Variants in MUC5AC observed in about 807,000 individuals in gnomAD.
MUC5AC encodes mucin-5AC.
Under a neutral mutation model 169.7 loss-of-function variants are expected in MUC5AC, and 158 were observed. That is an observed-to-expected ratio of 0.93 (90% CI 0.82 to 1.06). The LOEUF is 1.06. Ranked by LOEUF, MUC5AC falls within the 50% of genes least tolerant of loss-of-function variation. The probability of loss-of-function intolerance (pLI) is 0.00; values close to 1 mark genes in which losing one functional copy is unlikely to be tolerated. For synonymous variants in MUC5AC, 1,975 were observed against 1,237.0 expected, an observed-to-expected ratio of 1.60 and a Z score of -12.52; for missense variants, 4,359 against 3,089.9, an observed-to-expected ratio of 1.41 and a Z score of -9.74.
At chr11:1,173,030 CCATTCACTCACT>C (rs1860585379) in intron 16 of MUC5AC, among the ~76,000 whole-genome samples, 1 of 148,172 alleles carries the variant, frequency 6.7e-6, no homozygotes, top group Non-Finnish European at 1.5e-5. Flanking sequence ...CCCCACTCAC[CCATTCACTCACT>C]CATTCACTAA....
Position 1,186,359 on chromosome 11 carries a change from CA to C in MUC5AC, c.8215del (p.Ser2739AlafsTer63). The C allele has an allele frequency of 1.4e-6, 1 of 716,356 alleles. No homozygotes were observed. Among genetic ancestry groups the C allele is most frequent in the Non-Finnish European group, 2.5e-6 (1 of 392,982 alleles). 44.4% of individuals were successfully genotyped at this position (716,356 alleles called of 1,614,324 possible). A position where few individuals can be genotyped will look rare whatever the true frequency, so the allele number is the denominator to read the frequency against. The stretch of plus-strand genomic sequence containing the variant: ...CCAGCACAACCTCTGCCACTACAAC[CA>C]GCACGACCTCTGCTCCTACACCCAG... ...TTSTTSATTTSTTSAPTPRRT... is the reference protein window; with the variant it reads ...TTSTTSATTTXTTSAPTPRRT... On this transcript the variant is annotated frameshift_variant, in exon 31 of 49. Coordinates refer to ENST00000621226, the MANE Select transcript of MUC5AC (RefSeq NM_001304359.2). LOFTEE classifies it high-confidence loss of function.
intron 11 of MUC5AC, among the ~76,000 whole-genome samples, chr11:1,167,284 G>A (rs777315382): frequency 1.4e-5 from 2 of 145,488 alleles, no homozygotes; most frequent in Non-Finnish European, 3.0e-5. Context: ...ACCCAACACA[G>A]TCTCCCCAAG....
intron 28 of MUC5AC, among the ~76,000 whole-genome samples, chr11:1,180,832 C>A (rs906649196): frequency 0.017 from 2,636 of 152,182 alleles, 38 homozygotes; most frequent in Non-Finnish European, 0.022. Context: ...GCCCTAGGGT[C>A]CCCACCGGAA....
In MUC5AC at chr11:1,187,965, G is replaced by C; in HGVS notation, c.9820G>C (p.Glu3274Gln). The change falls in exon 31 of 49, where the codon GAG becomes CAG. Residue 3274 changes from glutamate to glutamine, a missense_variant. Glu to Gln is a conservative substitution (Grantham distance 29). Coordinates refer to ENST00000621226, the MANE Select transcript of MUC5AC (RefSeq NM_001304359.2). Reference protein sequence around the residue: ...EEITRLQCRAESHPEVSIEHL... With the variant: ...EEITRLQCRAQSHPEVSIEHL... The stretch of plus-strand genomic sequence containing the variant: ...GATCACCAGGCTCCAGTGCCGAGCC[G>C]AGAGCCACCCGGAGGTGAGCATTGA... The C allele has an allele frequency of 1.3e-6, 1 of 747,202 alleles. No individual in the cohort carries two copies. The highest frequency in any genetic ancestry group is 2.5e-6 in the Non-Finnish European group (1 of 406,480). The allele number at this position is 747,202 out of a possible 1,614,324, so 46.3% of individuals were successfully genotyped here.
rs55979045 is a variant in MUC5AC, at chr11:1,200,975, C to G, written c.*273C>G. 2.9e-6 allele frequency: 1 copy of G among 346,508 alleles called. No homozygotes were observed. Among genetic ancestry groups the G allele is most frequent in the Non-Finnish European group, 5.2e-6 (1 of 190,814 alleles). The allele number at this position is 346,508 out of a possible 1,614,324, so 21.5% of individuals were successfully genotyped here. On this transcript the variant is annotated 3_prime_UTR_variant, in exon 49 of 49. Transcript: ENST00000621226. ...TGCATCCAGCCTGCTGTTCTGGGGA[C>G]GTGAGCATCACCTGAGGGTCTCAGG...
intron 33 of MUC5AC, 62 bp downstream of exon 33, chr11:1,193,721 A>G: frequency 1.3e-6 from 1 of 747,048 alleles, no homozygotes. Context: ...CCCAGGTGGA[A>G]ATGGGCGGGG....
rs2133762930 is a variant in MUC5AC at position 1,188,872 on chromosome 11, A to G, written c.10727A>G (p.Glu3576Gly). Residue 3576 changes from glutamate (E) to glycine (G), a missense_variant, in exon 31 of 49, where the codon GAG becomes GGG. By Grantham distance (98) the Glu-to-Gly change is moderately conservative (BLOSUM62 -2). Coordinates refer to ENST00000621226, the MANE Select transcript of MUC5AC (RefSeq NM_001304359.2). ...RLQCRAKSHP[E>G]VSIEHLGQVV... is the part of the protein sequence containing the mutation. The stretch of plus-strand genomic sequence containing the variant: ...CAGTGCCGAGCCAAGAGCCACCCGG[A>G]GGTGAGCATCGAACACCTGGGCCAG... 2.6e-6 allele frequency: 2 copies of G among 763,704 alleles called. No homozygotes were observed. Among genetic ancestry groups the G allele is most frequent in the Admixed American group, 3.4e-5 (2 of 58,964 alleles). 47.3% of individuals were successfully genotyped at this position (763,704 alleles called of 1,614,324 possible).
intron 1 of MUC5AC, 48 bp downstream of exon 1, chr11:1,158,120 C>T (rs1366951417): frequency 6.7e-7 from 1 of 1,499,980 alleles, no homozygotes; most frequent in East Asian, 2.4e-5. Context: ...TGGTGCGGTA[C>T]TGAGTGGGCC....
chr11:1,175,221 C>T lies in MUC5AC; in HGVS notation c.2352C>T (p.Thr784=), dbSNP rs902708181. ...ESVHDSGAIC[T]CTHGKLSCIG... ...TCTGACCACCATCTCCTCACAGCAC[C>T]TGCACACATGGGAAGCTGAGCTGCA... The change falls in exon 19 of 49, where the codon ACC becomes ACT. Residue 784 remains threonine (T), a synonymous_variant. Transcript: ENST00000621226. 2.5e-6 allele frequency: 1 copy of T among 398,668 alleles called. No individual in the cohort carries two copies. Among genetic ancestry groups the T allele is most frequent in the South Asian group, 1.3e-4 (1 of 7,884 alleles). The allele number at this position is 398,668 out of a possible 1,614,324, so 24.7% of individuals were successfully genotyped here. A position where few individuals can be genotyped will look rare whatever the true frequency, so the allele number is the denominator to read the frequency against.
At chr11:1,165,502 C>T in intron 10 of MUC5AC, 83 bp downstream of exon 10, 4 of 1,577,748 alleles carry the variant, frequency 2.5e-6, no homozygotes, top group Middle Eastern at 1.9e-4. Context: ...CCGGCAGGCT[C>T]CCTCGTCTGG....
In MUC5AC at chr11:1,187,954, A is replaced by G; in HGVS notation, c.9809A>G (p.Gln3270Arg). The G allele has an allele frequency of 1.3e-6, 1 of 755,448 alleles. No homozygotes were observed. The highest frequency in any genetic ancestry group is 1.4e-5 in the South Asian group (1 of 73,584). 46.8% of individuals were successfully genotyped at this position (755,448 alleles called of 1,614,324 possible). A position where few individuals can be genotyped will look rare whatever the true frequency, so the allele number is the denominator to read the frequency against. ...CGACCTGAGGAGATCACCAGGCTCC[A>G]GTGCCGAGCCGAGAGCCACCCGGAG... ...CRRPEEITRL[Q>R]CRAESHPEVS... The change falls in exon 31 of 49, where the codon CAG becomes CGG. Residue 3270 changes from glutamine (Q) to arginine (R), a missense_variant. Physicochemically the swap from Gln to Arg is conservative, Grantham distance 43 (BLOSUM62 1). Coordinates refer to ENST00000621226, the MANE Select transcript of MUC5AC (RefSeq NM_001304359.2).
In MUC5AC at chr11:1,197,918, G is replaced by T; in HGVS notation, c.16049G>T (p.Arg5350Leu). The T allele has an allele frequency of 1.4e-6, 1 of 727,884 alleles. No individual in the cohort carries two copies. Among genetic ancestry groups the T allele is most frequent in the Non-Finnish European group, 2.5e-6 (1 of 400,816 alleles). 45.1% of individuals were successfully genotyped at this position (727,884 alleles called of 1,614,324 possible). The change falls in exon 42 of 49, where the codon CGC becomes CTC. Residue 5350 changes from arginine to leucine, a missense_variant. Physicochemically the swap from Arg to Leu is moderately radical, Grantham distance 102. Transcript: ENST00000621226. ...PQYSCACNTS[R>L]CPAPVGCPEG... The stretch of plus-strand genomic sequence containing the variant: ...GCCCCCGCAGCCTGCAACACCAGCC[G>T]CTGCCCCGCGCCCGTGGGCTGTCCT...
chr11:1,173,880 C>CATCCACT (rs1387236231), intron 16 of MUC5AC, among the ~76,000 whole-genome samples: 1 of 114,902 alleles, frequency 8.7e-6, no homozygotes. Flanking sequence ...ACTCACTCAC[C>CATCCACT]CACTCACTCA....
At position 1,195,905 on chromosome 11, in the gene MUC5AC, C is replaced by T; in HGVS notation, c.15488C>T (p.Pro5163Leu). Residue 5163 changes from proline to leucine, a missense_variant, in exon 37 of 49, where the codon CCC becomes CTC. Transcript: ENST00000621226. ...KVFEPCHTVI[P>L]PLLFYEGCVF... ...TTTGAGCCGTGCCACACTGTGATCCCCCCACTGCTGTTCTATGAGGGCTGC... is the reference window on the plus strand; with the variant it reads ...TTTGAGCCGTGCCACACTGTGATCCTCCCACTGCTGTTCTATGAGGGCTGC... 1 of 764,972 alleles carries T rather than the reference C, an allele frequency of 1.3e-6. No homozygotes were observed. The highest frequency in any genetic ancestry group is 2.4e-5 in the East Asian group (1 of 41,234). The allele number at this position is 764,972 out of a possible 1,614,324, so 47.4% of individuals were successfully genotyped here. A position where few individuals can be genotyped will look rare whatever the true frequency, so the allele number is the denominator to read the frequency against.
At chr11:1,162,755 C>T in intron 5 of MUC5AC, 109 bp downstream of exon 5, 2 of 1,102,254 alleles carry the variant, frequency 1.8e-6, no homozygotes, top group East Asian at 4.9e-5. Flanking sequence ...CAGTCAGGGT[C>T]AGACTCCACC....
In MUC5AC at chr11:1,188,091, C is replaced by G; in HGVS notation, c.9946C>G (p.Arg3316Gly). The change falls in exon 31 of 49, where the codon CGT (arginine) becomes GGT (glycine). Residue 3316 changes from arginine (R) to glycine (G), a missense_variant. Arg to Gly is a moderately radical substitution (Grantham distance 125). Transcript: ENST00000621226. ...PFKMCLNYEVRVLCCETPKGC... is the reference protein window; with the variant it reads ...PFKMCLNYEVGVLCCETPKGC... ...CAAGATGTGCCTCAACTACGAGGTGCGTGTGCTCTGCTGCGAGACCCCTAA... is the reference window on the plus strand; with the variant it reads ...CAAGATGTGCCTCAACTACGAGGTGGGTGTGCTCTGCTGCGAGACCCCTAA... 1.3e-6 allele frequency: 1 copy of G among 740,890 alleles called. No homozygotes were observed. 45.9% of individuals were successfully genotyped at this position (740,890 alleles called of 1,614,324 possible). A position where few individuals can be genotyped will look rare whatever the true frequency, so the allele number is the denominator to read the frequency against.
chr11:1,168,502 G>C lies in MUC5AC; in HGVS notation c.1517G>C (p.Ser506Thr). 1.3e-6 allele frequency: 2 copies of C among 1,573,374 alleles called. No individual in the cohort carries two copies. Among genetic ancestry groups the C allele is most frequent in the Non-Finnish European group, 8.6e-7 (1 of 1,160,472 alleles). The change falls in exon 13 of 49, where the codon AGT becomes ACT. Residue 506 changes from serine to threonine, a missense_variant. Transcript: ENST00000621226. ...CCTCAGGTGGTGGTGATCAAGGCCA[G>C]TGGGGAAGTGTTCCTGAACCAGATC... ...GAQTVVVIKA[S>T]GEVFLNQIYT...
At chr11:1,162,472 C>T (rs2133715658) in intron 4 of MUC5AC, 60 bp from the exon 5 acceptor site, 1 of 1,458,650 alleles carries the variant, frequency 6.9e-7, no homozygotes, top group Non-Finnish European at 9.5e-7. Context: ...CAGGCATCTG[C>T]CCTGCCTGGG....
chr11:1,192,371 T>G lies in MUC5AC; in HGVS notation c.14226T>G (p.Ser4742=). 2 of 765,108 alleles carry G rather than the reference T, an allele frequency of 2.6e-6. No homozygotes were observed. Among genetic ancestry groups the G allele is most frequent in the Non-Finnish European group, 4.8e-6 (2 of 417,898 alleles). 47.4% of individuals were successfully genotyped at this position (765,108 alleles called of 1,614,324 possible). A position where few individuals can be genotyped will look rare whatever the true frequency, so the allele number is the denominator to read the frequency against. ...CCTCTGTGACCCCATATGGGACTTCTCCTACCAATGCTCTGTATCCTTCCC... is the reference window on the plus strand; with the variant it reads ...CCTCTGTGACCCCATATGGGACTTCGCCTACCAATGCTCTGTATCCTTCCC... ...PVTSVTPYGT[S]PTNALYPSLS... Residue 4742 remains serine, a synonymous_variant, in exon 31 of 49, where the codon TCT becomes TCG. Coordinates refer to ENST00000621226, the MANE Select transcript of MUC5AC (RefSeq NM_001304359.2).
Sources: allele counts gnomAD v4.1 joint callset (sites outside exome capture counted in the v4.1 genomes callset), GRCh38; gene constraint gnomAD v4.1.1; transcripts MANE v1.5; gene names NCBI Gene and HGNC (gene_info 2026-07-23, HGNC 2026-07-21).